The following SCAMP1 variants were observed in gnomAD, a reference collection of about 807,000 sequenced individuals.
The protein encoded by SCAMP1 is secretory carrier-associated membrane protein 1.
In SCAMP1, 15 loss-of-function variants were observed where a neutral mutation model predicts 41.8. The ratio of observed to expected loss-of-function variants is 0.36; its 90% CI spans 0.24 to 0.55. SCAMP1 has a LOEUF of 0.55. Ranked by LOEUF, SCAMP1 falls within the 20% of genes least tolerant of loss-of-function variation. The pLI, the probability that SCAMP1 is intolerant of heterozygous loss-of-function variation, is 0.86. For missense variants in SCAMP1, 341 were observed against 412.6 expected, an observed-to-expected ratio of 0.83 and a Z score of 1.50; for synonymous variants, 135 against 136.8, an observed-to-expected ratio of 0.99 and a Z score of 0.09.
At chr5:78,457,060 A>G (rs1325847558) in intron 7 of SCAMP1, among the ~76,000 whole-genome samples, 1 of 117,544 alleles carries the variant, frequency 8.5e-6, no homozygotes, top group African/African-American at 3.7e-5. Context: ...ACTTCTCTGT[A>G]TTGGTTATTC....
chr5:78,422,044 C>A, intron 6 of SCAMP1, 84 bp downstream of exon 6: 1 of 1,177,036 alleles, frequency 8.5e-7, no homozygotes, highest in Non-Finnish European at 1.2e-6. Flanking sequence ...AAAATTGATG[C>A]ATTTTCATTA....
At chr5:78,430,492 C>T (rs546068273) in intron 6 of SCAMP1, among the ~76,000 whole-genome samples, 1 of 151,426 alleles carries the variant, frequency 6.6e-6, no homozygotes, top group African/African-American at 2.4e-5. Context: ...GTTTATATAA[C>T]CAGAAAAAGA....
chr5:78,428,393 C>A (rs1318041743), intron 6 of SCAMP1, among the ~76,000 whole-genome samples: 2 of 152,032 alleles, frequency 1.3e-5, no homozygotes, highest in Non-Finnish European at 2.9e-5. Flanking sequence ...GGACTTTTCC[C>A]ATTGAATTGT....
intron 6 of SCAMP1, among the ~76,000 whole-genome samples, chr5:78,440,948 C>A (rs575549680): frequency 6.6e-6 from 1 of 152,162 alleles, no homozygotes; most frequent in African/African-American, 2.4e-5. Flanking sequence ...CCTTGCAGTT[C>A]GATCTCAGAC....
rs553236544 is a variant in SCAMP1, at chr5:78,382,636, C to T, written c.58-6201C>T. Among the ~76,000 whole-genome samples, 156 of 152,270 alleles carry T rather than the reference C, an allele frequency of 1.0e-3. 3 individuals are homozygous for T. In the South Asian group the frequency reaches 0.03, roughly 30 times the overall value. Reference sequence around the variant, plus strand: ...TTCTTATGCCTTTGTGTCCTCATAACTTAACTCCCACTTGTGAGAACATAC... The same window carrying T: ...TTCTTATGCCTTTGTGTCCTCATAATTTAACTCCCACTTGTGAGAACATAC... On this transcript the variant is annotated intron_variant, in intron 1 of 8. Transcript: ENST00000621999.
chr5:78,452,574 A>C (rs913849253), intron 7 of SCAMP1, among the ~76,000 whole-genome samples: 101 of 145,528 alleles, frequency 6.9e-4, no homozygotes, highest in African/African-American at 2.5e-3. Context: ...ACATTTTCTT[A>C]ATCCAGTCTA....
intron 1 of SCAMP1, among the ~76,000 whole-genome samples, chr5:78,381,576 T>A (rs562389184): frequency 1.3e-5 from 2 of 152,366 alleles, no homozygotes; most frequent in East Asian, 3.9e-4. Context: ...ACACATGCCT[T>A]CTCTCTTGAT....
chr5:78,387,647 T>C (rs1457288240), intron 1 of SCAMP1, among the ~76,000 whole-genome samples: 1 of 152,142 alleles, frequency 6.6e-6, no homozygotes, highest in Non-Finnish European at 1.5e-5. Flanking sequence ...TCCCACGGGG[T>C]GCTCCCTTGA....
intron 1 of SCAMP1, among the ~76,000 whole-genome samples, chr5:78,367,894 C>G (rs913776950): frequency 1.3e-5 from 2 of 152,150 alleles, no homozygotes; most frequent in African/African-American, 2.4e-5. Flanking sequence ...TCTGCTACCT[C>G]GTATTGGTTC....
chr5:78,395,317 G>A (rs1455988462), intron 2 of SCAMP1, among the ~76,000 whole-genome samples: 1 of 152,046 alleles, frequency 6.6e-6, no homozygotes, highest in Admixed American at 6.6e-5. Context: ...ATGAACCCCC[G>A]ACCCTATTGA....
chr5:78,362,874 ATG>A (rs1750692104), intron 1 of SCAMP1, among the ~76,000 whole-genome samples: 1 of 149,318 alleles, frequency 6.7e-6, no homozygotes, highest in Non-Finnish European at 1.5e-5. Flanking sequence ...GAGTTACTTT[ATG>A]ATCATTTTTC....
At chr5:78,435,997 T>C (rs1203314360) in intron 6 of SCAMP1, among the ~76,000 whole-genome samples, 1 of 152,234 alleles carries the variant, frequency 6.6e-6, no homozygotes, top group Non-Finnish European at 1.5e-5. Flanking sequence ...CATTTTTTCA[T>C]GTATCTTTTG....
intron 6 of SCAMP1, among the ~76,000 whole-genome samples, chr5:78,443,117 G>T (rs908276904): frequency 1.3e-5 from 2 of 150,894 alleles, no homozygotes; most frequent in Admixed American, 1.3e-4. Flanking sequence ...TGAGGCTGAG[G>T]CAGGAGAATG....
chr5:78,369,338 C>T (rs1481966641), intron 1 of SCAMP1, among the ~76,000 whole-genome samples: 6 of 152,078 alleles, frequency 3.9e-5, no homozygotes, highest in African/African-American at 1.4e-4. Flanking sequence ...AACTCCTGAC[C>T]TCAGGTGATC....
intron 7 of SCAMP1, among the ~76,000 whole-genome samples, chr5:78,452,708 T>C (rs1486236372): frequency 1.1e-4 from 16 of 151,406 alleles, no homozygotes; most frequent in African/African-American, 3.9e-4. Context: ...ATACCAGTAA[T>C]GGGATGGCTG....
intron 2 of SCAMP1, among the ~76,000 whole-genome samples, chr5:78,407,941 A>C (rs1281071524): frequency 2.0e-5 from 3 of 152,118 alleles, no homozygotes; most frequent in African/African-American, 7.2e-5. Flanking sequence ...TTTGTATCTG[A>C]TAATTCAAAT....
chr5:78,437,575 G>A (rs1284539242), intron 6 of SCAMP1, among the ~76,000 whole-genome samples: 1 of 152,204 alleles, frequency 6.6e-6, no homozygotes, highest in African/African-American at 2.4e-5. Context: ...ACTTGATCAT[G>A]GTGGATAAGC....
chr5:78,405,552 G>A (rs1016947781), intron 2 of SCAMP1, among the ~76,000 whole-genome samples: 3 of 151,998 alleles, frequency 2.0e-5, no homozygotes, highest in Non-Finnish European at 4.4e-5. Context: ...TCTTCACTCT[G>A]GTCTTTTTGT....
intron 1 of SCAMP1, among the ~76,000 whole-genome samples, chr5:78,379,223 A>G (rs1319613562): frequency 2.0e-5 from 3 of 152,234 alleles, no homozygotes; most frequent in Non-Finnish European, 4.4e-5. Flanking sequence ...AGAATGATAC[A>G]GTCTACCAGG....
Sources: allele counts gnomAD v4.1 joint callset (sites outside exome capture counted in the v4.1 genomes callset), GRCh38; gene constraint gnomAD v4.1.1; transcripts MANE v1.5; gene names NCBI Gene and HGNC (gene_info 2026-07-23, HGNC 2026-07-21).